The following ANGPTL1 variants were observed in gnomAD, a reference collection of about 807,000 sequenced individuals.
ANGPTL1 encodes the protein angiopoietin-related protein 1.
Under a neutral mutation model 46.7 loss-of-function variants are expected in ANGPTL1, and 36 were observed. That is an observed-to-expected ratio of 0.77 (90% CI 0.59 to 1.02). The LOEUF (loss-of-function observed/expected upper bound fraction) is 1.02. Among genes scored for constraint, ANGPTL1 ranks in the 50% least tolerant of loss-of-function variants. The pLI, the probability that ANGPTL1 is intolerant of heterozygous loss-of-function variation, is 0.00. For missense variants in ANGPTL1, 571 were observed against 594.7 expected (o/e 0.96, Z 0.41); for synonymous variants, 221 against 204.3 (o/e 1.08, Z -0.69).
At chr1:178,864,190 A>G (rs574357917) in intron 3 of ANGPTL1, among the ~76,000 whole-genome samples, 9 of 152,318 alleles carry the variant, frequency 5.9e-5, no homozygotes, top group Admixed American at 3.3e-4. Context: ...CTGGACACCT[A>G]GATCAGTGAC....
In ANGPTL1 at chr1:178,853,580, C is replaced by T. The variant is rs751878120; in HGVS notation, c.1017+14G>A. ...ATTTGTTTTACTTCCCTTAGGTCTG[C>T]ATCACTGATTTACCTTATAATTTTC... On this transcript the variant is annotated intron_variant, in intron 4 of 5. Transcript: ENST00000234816. 1.1e-5 allele frequency: 18 copies of T among 1,574,556 alleles called. No individual in the cohort carries two copies. The South Asian group carries it at 2.0e-4, about 18-fold the overall frequency.
intron 4 of ANGPTL1, 35 bp downstream of exon 4, chr1:178,853,555 ATTTG>A: frequency 6.9e-7 from 1 of 1,440,084 alleles, no homozygotes; most frequent in Non-Finnish European, 9.2e-7. Flanking sequence ...GCAAGAATGG[ATTTG>A]TTTTACTTCC....
intron 4 of ANGPTL1, 43 bp downstream of exon 4, chr1:178,853,551 A>G (rs1427355239): frequency 7.1e-7 from 1 of 1,411,802 alleles, no homozygotes; most frequent in East Asian, 2.6e-5. Flanking sequence ...TATTGCAAGA[A>G]TGGATTTGTT....
At chr1:178,864,404 G>A (rs1161230722) in intron 3 of ANGPTL1, among the ~76,000 whole-genome samples, 1 of 152,092 alleles carries the variant, frequency 6.6e-6, no homozygotes, top group African/African-American at 2.4e-5. Context: ...TTGTACAGAT[G>A]CTTTCAAGAT....
intron 3 of ANGPTL1, among the ~76,000 whole-genome samples, chr1:178,854,265 A>G (rs1407114034): frequency 6.6e-6 from 1 of 152,184 alleles, no homozygotes; most frequent in African/African-American, 2.4e-5. Context: ...ATCAGAGGAT[A>G]TCAGTTTATT....
chr1:178,851,059 G>A lies in ANGPTL1; in HGVS notation c.*70C>T. On this transcript the variant is annotated 3_prime_UTR_variant, in exon 6 of 6. Coordinates refer to ENST00000234816, the MANE Select transcript of ANGPTL1 (RefSeq NM_004673.4). Reference sequence around the variant, plus strand: ...ATAAATTGTGCCAAGTAATATACATGTAACATTTACATTTTTAAGAGCTGA... The same window carrying A: ...ATAAATTGTGCCAAGTAATATACATATAACATTTACATTTTTAAGAGCTGA... 9 of 1,428,074 alleles carry A rather than the reference G, an allele frequency of 6.3e-6. No individual in the cohort carries two copies. The highest frequency in any genetic ancestry group is 8.5e-6 in the Non-Finnish European group (9 of 1,059,898). 88.5% of individuals were successfully genotyped at this position (1,428,074 alleles called of 1,614,324 possible). A position where few individuals can be genotyped will look rare whatever the true frequency, so the allele number is the denominator to read the frequency against.
intron 2 of ANGPTL1, among the ~76,000 whole-genome samples, chr1:178,867,648 C>G (rs1238621440): frequency 6.6e-6 from 1 of 151,872 alleles, no homozygotes; most frequent in Non-Finnish European, 1.5e-5. Flanking sequence ...TTTTCATTGA[C>G]CGGTTACTTA....
chr1:178,852,492 G>C (rs1181124645), intron 5 of ANGPTL1, among the ~76,000 whole-genome samples, 191 bp downstream of exon 5: 10 of 152,082 alleles, frequency 6.6e-5, no homozygotes, highest in African/African-American at 2.4e-4. Flanking sequence ...TTTTCACATA[G>C]ATCACACTTT....
chr1:178,855,713 C>T (rs1042303806), intron 3 of ANGPTL1, among the ~76,000 whole-genome samples: 3 of 151,946 alleles, frequency 2.0e-5, no homozygotes, highest in African/African-American at 7.2e-5. Flanking sequence ...AAAATAGCTA[C>T]AACCACTACT....
chr1:178,858,637 T>C (rs944748084), intron 3 of ANGPTL1, among the ~76,000 whole-genome samples: 1 of 152,204 alleles, frequency 6.6e-6, no homozygotes, highest in African/African-American at 2.4e-5. Flanking sequence ...TATGTGAGGA[T>C]TAAAGTTTAC....
At chr1:178,857,370 T>C (rs1324147617) in intron 3 of ANGPTL1, among the ~76,000 whole-genome samples, 1 of 152,182 alleles carries the variant, frequency 6.6e-6, no homozygotes, top group Non-Finnish European at 1.5e-5. Flanking sequence ...AAATGTCTTT[T>C]CTGCATCTAC....
chr1:178,862,080 C>A (rs1194556704), intron 3 of ANGPTL1, among the ~76,000 whole-genome samples: 3 of 152,008 alleles, frequency 2.0e-5, no homozygotes, highest in Non-Finnish European at 4.4e-5. Flanking sequence ...ACCATGTTGG[C>A]CAGGCTGGTC....
rs189235675 is a variant in ANGPTL1, at chr1:178,853,040, A to G, written c.1018-87T>C. 2.2e-5 allele frequency: 33 copies of G among 1,495,784 alleles called. No homozygotes were observed. In the East Asian group the frequency reaches 4.1e-4, roughly 19 times the overall value. 92.7% of individuals were successfully genotyped at this position (1,495,784 alleles called of 1,614,324 possible). On this transcript the variant is annotated intron_variant, in intron 4 of 5. Coordinates refer to ENST00000234816, the MANE Select transcript of ANGPTL1 (RefSeq NM_004673.4). Reference sequence around the variant, plus strand: ...AGAGCAGTGTTAAACATTCGATAGCATAAAGATACTGGCCATTTAAGTGGT... The same window carrying G: ...AGAGCAGTGTTAAACATTCGATAGCGTAAAGATACTGGCCATTTAAGTGGT...
chr1:178,867,889 A>G (rs1206554181), intron 2 of ANGPTL1, among the ~76,000 whole-genome samples: 1 of 151,940 alleles, frequency 6.6e-6, no homozygotes, highest in Admixed American at 6.6e-5. Flanking sequence ...TGCTACTTTC[A>G]CTTTCTAAAA....
At position 178,865,414 on chromosome 1, in the gene ANGPTL1, C is replaced by T. The variant is rs1658334684; in HGVS notation, c.363G>A (p.Lys121=). The T allele has an allele frequency of 7.4e-6, 12 of 1,613,990 alleles. No individual in the cohort carries two copies. Among genetic ancestry groups the T allele is most frequent in the Non-Finnish European group, 1.0e-5 (12 of 1,179,974 alleles). Reference sequence around the variant, plus strand: ...CACGAGAGTTCATGTTACGGCTTTCCTTTCTCAGCAGCTTTACCTCATTCA... The same window carrying T: ...CACGAGAGTTCATGTTACGGCTTTCTTTTCTCAGCAGCTTTACCTCATTCA... The part of the protein sequence containing the change: ...NIVNEVKLLR[K]ESRNMNSRVT... The change falls in exon 3 of 6, where the codon AAG becomes AAA. Residue 121 remains lysine, a synonymous_variant. Transcript: ENST00000234816.
At chr1:178,867,183 T>A (rs1254795152) in intron 2 of ANGPTL1, among the ~76,000 whole-genome samples, 1 of 152,142 alleles carries the variant, frequency 6.6e-6, no homozygotes, top group Non-Finnish European at 1.5e-5. Context: ...TTAATATTTA[T>A]TGAGTGCTTG....
intron 1 of ANGPTL1, among the ~76,000 whole-genome samples, chr1:178,869,686 A>G (rs6685848): frequency 0.11 from 16,531 of 152,154 alleles, 2,107 homozygotes; most frequent in African/African-American, 0.31. Flanking sequence ...GAAAGGACAC[A>G]AAAGCAAAGT....
In ANGPTL1 at chr1:178,851,063, C is replaced by T; in HGVS notation, c.*66G>A. Reference sequence around the variant, plus strand: ...ATTGTGCCAAGTAATATACATGTAACATTTACATTTTTAAGAGCTGAAAAG... The same window carrying T: ...ATTGTGCCAAGTAATATACATGTAATATTTACATTTTTAAGAGCTGAAAAG... On this transcript the variant is annotated 3_prime_UTR_variant, in exon 6 of 6. Transcript: ENST00000234816. The T allele has an allele frequency of 2.1e-6, 3 of 1,445,636 alleles. No individual in the cohort carries two copies. The highest frequency in any genetic ancestry group is 2.8e-6 in the Non-Finnish European group (3 of 1,074,506). The allele number at this position is 1,445,636 out of a possible 1,614,324, so 89.6% of individuals were successfully genotyped here. A position where few individuals can be genotyped will look rare whatever the true frequency, so the allele number is the denominator to read the frequency against.
At chr1:178,857,503 T>A (rs1657669635) in intron 3 of ANGPTL1, among the ~76,000 whole-genome samples, 1 of 152,040 alleles carries the variant, frequency 6.6e-6, no homozygotes, top group African/African-American at 2.4e-5. Flanking sequence ...TTTGATGGAG[T>A]TATGTAGCGC....
Sources: gnomAD v4.1 joint callset for allele counts (sites outside exome capture counted in the v4.1 genomes callset) on GRCh38, gnomAD v4.1.1 for gene constraint, MANE v1.5 for transcripts, NCBI Gene and HGNC (gene_info 2026-07-23, HGNC 2026-07-21) for gene names.